RNF114: variants seen among roughly 807,000 people sequenced by gnomAD.
The protein encoded by RNF114 is ring finger protein 114.
Under a neutral mutation model 28.4 loss-of-function variants are expected in RNF114, and 6 were observed. The observed-to-expected ratio is 0.21, with a 90% CI of 0.12 to 0.42. RNF114 has a LOEUF of 0.42. Among genes scored for constraint, RNF114 ranks in the 10% least tolerant of loss-of-function variants. The pLI, the probability that RNF114 is intolerant of heterozygous loss-of-function variation, is 1.00. For synonymous variants in RNF114, 115 were observed against 116.7 expected (o/e 0.99, Z 0.09); for missense variants, 249 against 311.7 (o/e 0.80, Z 1.51).
chr20:49,938,455 G>A (rs2090295767), intron 1 of RNF114, among the ~76,000 whole-genome samples: 1 of 152,196 alleles, frequency 6.6e-6, no homozygotes, highest in African/African-American at 2.4e-5. Flanking sequence ...GTGCCTAGTT[G>A]ATTTTTACCT....
chr20:49,944,620 C>G (rs2090321680), intron 2 of RNF114: 1 of 152,312 alleles, frequency 6.6e-6, no homozygotes, highest in East Asian at 1.9e-4. Context: ...GTAGCTCACG[C>G]CTGTAAACCC....
At chr20:49,949,202 C>G in intron 4 of RNF114, 46 bp from the exon 5 acceptor site, 2 of 1,521,688 alleles carry the variant, frequency 1.3e-6, no homozygotes, top group Non-Finnish European at 1.8e-6. Context: ...AGGGCTGGTG[C>G]AAGCTTGGAA....
intron 5 of RNF114, among the ~76,000 whole-genome samples, chr20:49,951,721 C>T (rs4809767): frequency 0.91 from 138,584 of 152,224 alleles, 63,165 homozygotes; most frequent in African/African-American, 0.94. Context: ...CTACTAAAAA[C>T]ATAAAAATTA....
intron 3 of RNF114, 61 bp downstream of exon 3, chr20:49,945,549 G>GGA: frequency 6.8e-5 from 66 of 975,012 alleles, no homozygotes; most frequent in Non-Finnish European, 9.3e-5. Flanking sequence ...CAAAGAGGTT[G>GGA]CATGCCCAGG....
Position 49,937,866 on chromosome 20 carries a change from C to T in RNF114, c.140+1314C>T, listed in dbSNP as rs545259167. Among the ~76,000 whole-genome samples, 381 of 152,290 alleles carry T rather than the reference C, an allele frequency of 2.5e-3. 3 individuals carry two copies. In the Middle Eastern group the frequency reaches 0.027, roughly 11 times the overall value. ...CGGAGTGGCCATATCTTTATTGCCC[C>T]TGAACTGACTGGAATGGCCTCTGTG... On this transcript the variant is annotated intron_variant, in intron 1 of 5. Coordinates refer to ENST00000244061, the MANE Select transcript of RNF114 (RefSeq NM_018683.4).
chr20:49,947,767 AAGTTTTTTTTTTTTTTTTTT>A (rs2090338705), intron 4 of RNF114, among the ~76,000 whole-genome samples: 1 of 91,840 alleles, frequency 1.1e-5, no homozygotes, highest in African/African-American at 4.1e-5. Context: ...CTCCCTCTGC[AAGTTTTTTTTTTTTTTTTTT>A]TTTTTTTTTT....
At chr20:49,936,578 G>A (rs1248794012) in intron 1 of RNF114, 26 bp downstream of exon 1, 3 of 1,573,422 alleles carry the variant, frequency 1.9e-6, no homozygotes, top group Non-Finnish European at 2.6e-6. Flanking sequence ...GGGCCTGGTC[G>A]GGGGGCGCTT....
chr20:49,940,641 C>G (rs1381258184), intron 1 of RNF114, among the ~76,000 whole-genome samples: 1 of 151,856 alleles, frequency 6.6e-6, no homozygotes, highest in Admixed American at 6.6e-5. Flanking sequence ...TCTCGATCTC[C>G]TGACCTTGTG....
rs1055429630 is a variant in RNF114 at position 49,946,150 on chromosome 20, G to A, written c.413G>A (p.Arg138His). ...TCACCTTCCAGGAATGTTCCAAACC[G>A]TTACACCTTTCCTTGTCCTTACTGT... ...ASLQPRNVPN[R>H]YTFPCPYCPE... is the part of the protein sequence containing the mutation. Residue 138 changes from arginine (R) to histidine (H), a missense_variant, in exon 4 of 6, where the codon CGT (arginine) becomes CAT (histidine). Arg to His is a conservative substitution (Grantham distance 29, BLOSUM62 0). Transcript: ENST00000244061. 6 of 1,599,036 alleles carry A rather than the reference G, an allele frequency of 3.8e-6. No homozygotes were observed. Among genetic ancestry groups the A allele is most frequent in the African/African-American group, 2.7e-5 (2 of 73,938 alleles).
At chr20:49,946,941 T>C in intron 4 of RNF114, among the ~76,000 whole-genome samples, 1 of 149,200 alleles carries the variant, frequency 6.7e-6, no homozygotes. Flanking sequence ...AAATGTAGGC[T>C]GGGCACGGTG....
intron 1 of RNF114, among the ~76,000 whole-genome samples, chr20:49,939,034 G>A (rs752961407): frequency 3.9e-5 from 6 of 152,176 alleles, no homozygotes; most frequent in South Asian, 2.1e-4. Context: ...TTCCTTTCCA[G>A]TCCTCATTTG....
rs6512601 is a variant in RNF114 at position 49,948,638 on chromosome 20, A to G, written c.514-610A>G. ...TTTTTAGTAGAGAAGATGTTTCACTATGTTGGCCAGGCTGGTCTCAAACTC... is the reference window on the plus strand; with the variant it reads ...TTTTTAGTAGAGAAGATGTTTCACTGTGTTGGCCAGGCTGGTCTCAAACTC... On this transcript the variant is annotated intron_variant, in intron 4 of 5. Transcript: ENST00000244061. 6.4e-3 allele frequency among the ~76,000 whole-genome samples: 971 copies of G among 152,006 alleles called. 7 individuals carry two copies. The highest frequency in any genetic ancestry group is 0.023 in the African/African-American group (935 of 41,446).
intron 1 of RNF114, among the ~76,000 whole-genome samples, chr20:49,936,776 G>C (rs912802019): frequency 6.6e-6 from 1 of 152,152 alleles, no homozygotes; most frequent in South Asian, 2.1e-4. Flanking sequence ...TAGCGGGGCA[G>C]CTGCTGTCTG....
At chr20:49,939,622 GTCC>G (rs2090299495) in intron 1 of RNF114, among the ~76,000 whole-genome samples, 2 of 152,028 alleles carry the variant, frequency 1.3e-5, no homozygotes, top group Non-Finnish European at 2.9e-5. Flanking sequence ...AAGTTATCAA[GTCC>G]TCCTGATTCT....
Position 49,952,213 on chromosome 20 carries a change from T to C in RNF114, c.*72T>C. On this transcript the variant is annotated 3_prime_UTR_variant, in exon 6 of 6. Transcript: ENST00000244061. ...ACATATTAAACGTGAAATCTATGAC[T>C]CCTGTACCTTACCTGTTCAACAGAC... 1 of 1,308,646 alleles carries C rather than the reference T, an allele frequency of 7.6e-7. No individual in the cohort carries two copies. Among genetic ancestry groups the C allele is most frequent in the Non-Finnish European group, 1.1e-6 (1 of 901,624 alleles). 81.1% of individuals were successfully genotyped at this position (1,308,646 alleles called of 1,614,324 possible).
At position 49,946,132 on chromosome 20, in the gene RNF114, C is replaced by G; in HGVS notation, c.399-4C>G. On this transcript the variant is annotated splice_region_variant and splice_polypyrimidine_tract_variant and intron_variant, in intron 3 of 5. Coordinates refer to ENST00000244061, the MANE Select transcript of RNF114 (RefSeq NM_018683.4). ...TTTCTTTTTTCCTGTGTTTCACCTT[C>G]CAGGAATGTTCCAAACCGTTACACC... 1 of 1,553,868 alleles carries G rather than the reference C, an allele frequency of 6.4e-7. No homozygotes were observed. The highest frequency in any genetic ancestry group is 8.8e-7 in the Non-Finnish European group (1 of 1,142,728).
Position 49,953,117 on chromosome 20 carries a change from A to G in RNF114, c.*976A>G, listed in dbSNP as rs1213021067. 2.0e-5 allele frequency: 3 copies of G among 152,054 alleles called. No individual in the cohort carries two copies. In the East Asian group the frequency reaches 5.8e-4, roughly 29 times the overall value. 9.4% of individuals were successfully genotyped at this position (152,054 alleles called of 1,614,324 possible). A position where few individuals can be genotyped will look rare whatever the true frequency, so the allele number is the denominator to read the frequency against. Reference sequence around the variant, plus strand: ...AACTGAGCATTGTTTTTCTGTCACAAATGTTTTCCTTATGACACTGGTTTC... The same window carrying G: ...AACTGAGCATTGTTTTTCTGTCACAGATGTTTTCCTTATGACACTGGTTTC... On this transcript the variant is annotated 3_prime_UTR_variant, in exon 6 of 6. Transcript: ENST00000244061.
rs763891100 is a variant in RNF114, at chr20:49,946,179, GAGA to G, written c.447_449del (p.Lys149del). On this transcript the variant is annotated inframe_deletion, in exon 4 of 6. Coordinates refer to ENST00000244061, the MANE Select transcript of RNF114 (RefSeq NM_018683.4). ...CACCTTTCCTTGTCCTTACTGTCCT[GAGA>G]AGAACTTTGATCAGGAAGGACTTGT... 1.2e-6 allele frequency: 2 copies of G among 1,612,206 alleles called. No individual in the cohort carries two copies. Among genetic ancestry groups the G allele is most frequent in the Non-Finnish European group, 8.5e-7 (1 of 1,179,116 alleles).
intron 4 of RNF114, among the ~76,000 whole-genome samples, chr20:49,949,001 G>T (rs1026622027): frequency 6.6e-6 from 1 of 152,180 alleles, no homozygotes. Flanking sequence ...TCACTTCTCT[G>T]CTTACAGTAG....
Sources: gnomAD v4.1 joint callset for allele counts (sites outside exome capture counted in the v4.1 genomes callset) on GRCh38, gnomAD v4.1.1 for gene constraint, MANE v1.5 for transcripts, NCBI Gene and HGNC (gene_info 2026-07-23, HGNC 2026-07-21) for gene names.